Variants in AGBL4 observed in about 807,000 individuals in gnomAD.
AGBL4 encodes the protein AGBL carboxypeptidase 4.
AGBL4 carries 58 observed loss-of-function variants against 66.4 expected under a neutral mutation model. That is an observed-to-expected ratio of 0.87 (90% CI 0.71 to 1.09). AGBL4 has a LOEUF of 1.09. Ranked by LOEUF, AGBL4 falls within the 50% of genes least tolerant of loss-of-function variation. The pLI is 0.00. For missense variants in AGBL4, 579 were observed against 631.0 expected, an observed-to-expected ratio of 0.92 and a Z score of 0.88; for synonymous variants, 234 against 222.9, an observed-to-expected ratio of 1.05 and a Z score of -0.44.
In AGBL4 at chr1:49,083,462, T is replaced by G. The variant is rs11205597; in HGVS notation, c.378-37662A>C. 5.9e-3 allele frequency among the ~76,000 whole-genome samples: 896 copies of G among 152,346 alleles called. 19 individuals are homozygous for G. Among genetic ancestry groups the G allele is most frequent in the African/African-American group, 0.02 (822 of 41,590 alleles). On this transcript the variant is annotated intron_variant, in intron 4 of 13. Transcript: ENST00000371839. ...ACACCACATGGAAGCTGCCAAGGCT[T>G]GGGGCTTGCACCCTGTGAAGCCAGG...
chr1:49,611,673 G>C (rs977353491), intron 3 of AGBL4, among the ~76,000 whole-genome samples: 1 of 152,010 alleles, frequency 6.6e-6, no homozygotes, highest in Non-Finnish European at 1.5e-5. Flanking sequence ...CACCGCGCCC[G>C]GCCAGTATCA....
chr1:49,903,628 A>G (rs565731797), intron 1 of AGBL4, among the ~76,000 whole-genome samples: 1 of 152,318 alleles, frequency 6.6e-6, no homozygotes, highest in South Asian at 2.1e-4. Flanking sequence ...GATTTCTATA[A>G]GAATTAAATG....
At chr1:48,945,316 G>A (rs1656405759) in intron 5 of AGBL4, among the ~76,000 whole-genome samples, 2 of 152,058 alleles carry the variant, frequency 1.3e-5, no homozygotes, top group African/African-American at 4.8e-5. Context: ...AGAGAGACAC[G>A]GTTTGGAAAT....
intron 6 of AGBL4, chr1:48,818,047 T>A (rs969155709): frequency 2.8e-6 from 2 of 707,230 alleles, no homozygotes; most frequent in African/African-American, 3.5e-5. Flanking sequence ...AATTCATATC[T>A]GATAGTCAAA....
intron 2 of AGBL4, among the ~76,000 whole-genome samples, chr1:49,729,502 C>T (rs1649271538): frequency 3.3e-5 from 5 of 151,986 alleles, no homozygotes; most frequent in Non-Finnish European, 7.4e-5. Flanking sequence ...ATTTCAAGAG[C>T]ATAAAATCAA....
intron 5 of AGBL4, among the ~76,000 whole-genome samples, chr1:48,935,928 C>T (rs1278593843): frequency 7.8e-6 from 1 of 127,964 alleles, no homozygotes; most frequent in Non-Finnish European, 1.6e-5. Flanking sequence ...CACTGCCCTC[C>T]AGCCTGGGTG....
At chr1:49,798,476 T>C (rs1413265516) in intron 2 of AGBL4, among the ~76,000 whole-genome samples, 1 of 152,206 alleles carries the variant, frequency 6.6e-6, no homozygotes, top group Admixed American at 6.5e-5. Context: ...ACATCTTTAA[T>C]AAAGTTTAAA....
At chr1:49,030,214 T>G (rs752136105) in intron 5 of AGBL4, among the ~76,000 whole-genome samples, 6 of 152,050 alleles carry the variant, frequency 3.9e-5, no homozygotes, top group Non-Finnish European at 5.9e-5. Flanking sequence ...TGAGAGGTAA[T>G]TAGGTCACTG....
intron 5 of AGBL4, among the ~76,000 whole-genome samples, chr1:48,990,248 A>G (rs1324547863): frequency 1.3e-5 from 2 of 151,644 alleles, no homozygotes; most frequent in Middle Eastern, 6.9e-3. Context: ...TTTTTTTCCT[A>G]TAGAGTTGTT....
At chr1:49,283,531 C>T (rs976527559) in intron 3 of AGBL4, among the ~76,000 whole-genome samples, 44 of 152,320 alleles carry the variant, frequency 2.9e-4, no homozygotes, top group African/African-American at 4.1e-4. Context: ...ATGACTTTGA[C>T]GAGCTGAGAG....
chr1:49,847,357 A>C (rs537658543), intron 2 of AGBL4, among the ~76,000 whole-genome samples: 1 of 152,272 alleles, frequency 6.6e-6, no homozygotes, highest in East Asian at 1.9e-4. Flanking sequence ...TAGGCAAATA[A>C]TTCATGACTA....
chr1:48,785,842 G>A (rs1444980340), intron 6 of AGBL4, among the ~76,000 whole-genome samples: 2 of 152,146 alleles, frequency 1.3e-5, no homozygotes, highest in Non-Finnish European at 1.5e-5. Flanking sequence ...GGAGAACCCT[G>A]CCTCATTCTA....
intron 3 of AGBL4, among the ~76,000 whole-genome samples, chr1:49,669,318 G>A (rs977650794): frequency 1.3e-5 from 2 of 152,084 alleles, no homozygotes; most frequent in Non-Finnish European, 2.9e-5. Flanking sequence ...GAAGGATCCT[G>A]TATGTTATTT....
At chr1:49,363,378 C>A (rs1175602506) in intron 3 of AGBL4, among the ~76,000 whole-genome samples, 1 of 152,142 alleles carries the variant, frequency 6.6e-6, no homozygotes, top group Non-Finnish European at 1.5e-5. Flanking sequence ...ATTTAAAATT[C>A]TACTGTGTTC....
chr1:49,786,292 G>A (rs1237568203), intron 2 of AGBL4, among the ~76,000 whole-genome samples: 1 of 151,750 alleles, frequency 6.6e-6, no homozygotes, highest in Non-Finnish European at 1.5e-5. Context: ...TTTATCTTAC[G>A]GTTATGAGCT....
chr1:49,379,872 A>G (rs1168641581), intron 3 of AGBL4, among the ~76,000 whole-genome samples: 2 of 152,094 alleles, frequency 1.3e-5, no homozygotes, highest in Non-Finnish European at 2.9e-5. Flanking sequence ...CGGCTTTGGT[A>G]TCAGGATGAT....
At chr1:49,465,137 C>A (rs944514032) in intron 3 of AGBL4, among the ~76,000 whole-genome samples, 3 of 150,646 alleles carry the variant, frequency 2.0e-5, no homozygotes, top group African/African-American at 7.3e-5. Flanking sequence ...AAAATATAAT[C>A]CCTATTCTGT....
At chr1:49,056,318 A>T (rs1238377387) in intron 4 of AGBL4, among the ~76,000 whole-genome samples, 9 of 152,136 alleles carry the variant, frequency 5.9e-5, no homozygotes, top group Admixed American at 4.6e-4. Context: ...AGCGATAAAC[A>T]AACAAATCAA....
At chr1:49,481,349 G>T (rs936431653) in intron 3 of AGBL4, among the ~76,000 whole-genome samples, 10 of 152,012 alleles carry the variant, frequency 6.6e-5, no homozygotes, top group African/African-American at 2.2e-4. Context: ...CACTTCTCTT[G>T]TTAGCTGTAT....
Sources: allele counts gnomAD v4.1 joint callset (sites outside exome capture counted in the v4.1 genomes callset), GRCh38; gene constraint gnomAD v4.1.1; transcripts MANE v1.5; gene names NCBI Gene and HGNC (gene_info 2026-07-23, HGNC 2026-07-21).